Variants in SGCD observed in about 807,000 individuals in gnomAD.
The protein encoded by SGCD is sarcoglycan delta, also known as delta-sarcoglycan.
In SGCD, 18 loss-of-function variants were observed where a neutral mutation model predicts 36.6. The observed-to-expected ratio is 0.49, with a 90% CI of 0.34 to 0.73. SGCD has a LOEUF of 0.73. SGCD is among the 30% of genes least tolerant of loss of function. The probability of loss-of-function intolerance (pLI) is 0.01; values close to 1 mark genes in which losing one functional copy is unlikely to be tolerated. For missense variants in SGCD, 387 were observed against 346.7 expected, an observed-to-expected ratio of 1.12 and a Z score of -0.92; for synonymous variants, 133 against 130.6, an observed-to-expected ratio of 1.02 and a Z score of -0.12.
chr5:156,147,620 T>C (rs1213583441), intron 3 of SGCD, among the ~76,000 whole-genome samples: 1 of 152,230 alleles, frequency 6.6e-6, no homozygotes, highest in Non-Finnish European at 1.5e-5. Flanking sequence ...AACTTTCAAA[T>C]GTTATCAGCT....
chr5:156,100,191 A>G (rs1459280771), intron 1 of SGCD, among the ~76,000 whole-genome samples: 1 of 152,126 alleles, frequency 6.6e-6, no homozygotes, highest in African/African-American at 2.4e-5. Flanking sequence ...TGTTATGTTA[A>G]ATGGTGGTAT....
chr5:156,649,141 C>G (rs555015464), intron 7 of SGCD, among the ~76,000 whole-genome samples: 19 of 152,230 alleles, frequency 1.2e-4, no homozygotes, highest in Non-Finnish European at 2.4e-4. Flanking sequence ...CAGAGAAATG[C>G]AAATCAAAAC....
At chr5:155,867,567 G>T (rs112095847), upstream of SGCD, among the ~76,000 whole-genome samples, 64 of 152,246 alleles carry the variant, frequency 4.2e-4, 1 homozygote, top group African/African-American at 1.4e-3. Flanking sequence ...CCTGAGAGTG[G>T]GTGGCTGAGG....
At chr5:155,886,264 A>C (rs1388782611) in intron 1 of SGCD, among the ~76,000 whole-genome samples, 1 of 152,196 alleles carries the variant, frequency 6.6e-6, no homozygotes, top group African/African-American at 2.4e-5. Context: ...AGGGACTGGA[A>C]TGAGGATGTG....
chr5:156,579,125 T>C (rs1202845980), intron 4 of SGCD, among the ~76,000 whole-genome samples: 2 of 152,210 alleles, frequency 1.3e-5, no homozygotes, highest in Non-Finnish European at 2.9e-5. Flanking sequence ...TTGTTCTCAT[T>C]GGTTTCAAAG....
intron 6 of SGCD, among the ~76,000 whole-genome samples, chr5:156,633,591 G>A (rs1234922498): frequency 6.6e-6 from 1 of 152,072 alleles, no homozygotes; most frequent in East Asian, 1.9e-4. Flanking sequence ...CATGTACTAG[G>A]GTTGCAGTGA....
chr5:156,211,886 A>G (rs1260888692), intron 3 of SGCD, among the ~76,000 whole-genome samples: 1 of 152,196 alleles, frequency 6.6e-6, no homozygotes, highest in Non-Finnish European at 1.5e-5. Flanking sequence ...TGTGTGTGGA[A>G]TTAAAGTGTA....
intron 1 of SGCD, among the ~76,000 whole-genome samples, chr5:156,011,687 C>T (rs1428598270): frequency 1.3e-5 from 2 of 152,162 alleles, no homozygotes; most frequent in Non-Finnish European, 2.9e-5. Flanking sequence ...ATCCACCTAC[C>T]TCGGCCTCTG....
intron 7 of SGCD, among the ~76,000 whole-genome samples, chr5:156,753,442 G>T (rs142720086): frequency 6.6e-6 from 1 of 152,190 alleles, no homozygotes; most frequent in East Asian, 1.9e-4. Context: ...TTGTGTTGTG[G>T]TCATTAATTT....
the SGCD span, among the ~76,000 whole-genome samples, chr5:155,855,844 G>T: frequency 3.5e-4 from 53 of 152,154 alleles, no homozygotes; most frequent in African/African-American, 1.2e-3. Flanking sequence ...TACAGGGCAG[G>T]AGAGAGCTGC....
chr5:156,504,182 T>C (rs1756586955), intron 3 of SGCD, among the ~76,000 whole-genome samples: 1 of 148,816 alleles, frequency 6.7e-6, no homozygotes, highest in Non-Finnish European at 1.5e-5. Flanking sequence ...CCAGCCTGGG[T>C]GACAAGAGCA....
rs534769571 is a variant in SGCD at position 156,726,312 on chromosome 5, A to C, written c.576-31269A>C. 3.3e-5 allele frequency among the ~76,000 whole-genome samples: 5 copies of C among 152,298 alleles called. No homozygotes were observed. The East Asian group carries it at 9.7e-4, about 29-fold the overall frequency. ...GGGCATCTGGACATGTCCAAAACCT[A>C]ACCCCTTAGCTTCTTCCCTGTTCCT... On this transcript the variant is annotated intron_variant, in intron 7 of 8. Coordinates refer to ENST00000337851, the MANE Select transcript of SGCD (RefSeq NM_000337.6).
chr5:155,755,783 A>C, the SGCD span, among the ~76,000 whole-genome samples: 1 of 152,128 alleles, frequency 6.6e-6, no homozygotes, highest in Non-Finnish European at 1.5e-5. Flanking sequence ...CTCCAAACTG[A>C]ATTACTCGGG....
chr5:156,068,216 C>T (rs1484920696), intron 1 of SGCD, among the ~76,000 whole-genome samples: 1 of 151,618 alleles, frequency 6.6e-6, no homozygotes, highest in Non-Finnish European at 1.5e-5. Flanking sequence ...TGGTGTGCTG[C>T]ACCCATTAAC....
At chr5:156,464,064 C>T (rs1754614313) in intron 3 of SGCD, among the ~76,000 whole-genome samples, 1 of 152,134 alleles carries the variant, frequency 6.6e-6, no homozygotes. Context: ...TTTGTATGCA[C>T]TGTCTTGTTT....
intron 4 of SGCD, among the ~76,000 whole-genome samples, chr5:156,575,223 A>G (rs138751973): frequency 6.6e-6 from 1 of 152,178 alleles, no homozygotes; most frequent in African/African-American, 2.4e-5. Flanking sequence ...TTAATGCTTT[A>G]ATATTGGAAT....
chr5:155,820,984 C>T, the SGCD span, among the ~76,000 whole-genome samples: 3 of 151,990 alleles, frequency 2.0e-5, no homozygotes, highest in East Asian at 5.8e-4. Flanking sequence ...TTTGGGGCTT[C>T]GATGGGGTAG....
chr5:156,570,128 CA>C (rs1759659398), intron 4 of SGCD, among the ~76,000 whole-genome samples: 1 of 152,160 alleles, frequency 6.6e-6, no homozygotes, highest in Non-Finnish European at 1.5e-5. Flanking sequence ...GCTATGTTTA[CA>C]TTTCCAAGAT....
chr5:156,581,627 G>A (rs1316965348), intron 4 of SGCD, among the ~76,000 whole-genome samples: 3 of 152,152 alleles, frequency 2.0e-5, no homozygotes, highest in Non-Finnish European at 4.4e-5. Context: ...CCTCAGCAAT[G>A]GTGGATGCCC....
Sources: gnomAD v4.1 joint callset for allele counts (sites outside exome capture counted in the v4.1 genomes callset) on GRCh38, gnomAD v4.1.1 for gene constraint, MANE v1.5 for transcripts, NCBI Gene and HGNC (gene_info 2026-07-23, HGNC 2026-07-21) for gene names.